Variants in TENM3 observed in about 807,000 individuals in gnomAD.
The protein encoded by TENM3 is teneurin transmembrane protein 3.
Under a neutral mutation model 255.1 loss-of-function variants are expected in TENM3, and 63 were observed. The observed-to-expected ratio is 0.25, with a 90% CI of 0.20 to 0.30. The LOEUF is 0.30. Among genes scored for constraint, TENM3 ranks in the 10% least tolerant of loss-of-function variants. The pLI is 1.00. For synonymous variants in TENM3, 1,306 were observed against 1,322.3 expected (o/e 0.99, Z 0.27); for missense variants, 2,929 against 3,461.1 (o/e 0.85, Z 3.86).
intron 24 of TENM3, among the ~76,000 whole-genome samples, chr4:182,777,481 T>C (rs983730384): frequency 6.6e-6 from 1 of 151,072 alleles, no homozygotes; most frequent in Non-Finnish European, 1.5e-5. Context: ...AATAGAGATA[T>C]CATTCTCTCT....
chr4:181,769,853 T>C, the TENM3 span, among the ~76,000 whole-genome samples: 1 of 152,240 alleles, frequency 6.6e-6, no homozygotes, highest in East Asian at 1.9e-4. Context: ...GTGGAGATTA[T>C]CTTTATAATT....
chr4:181,849,949 T>TCTCTCTCTCTCACACACACACA, the TENM3 span, among the ~76,000 whole-genome samples: 6,631 of 65,668 alleles, frequency 0.1, 827 homozygotes, highest in Non-Finnish European at 0.16. Flanking sequence ...TCTCTCTCTC[T>TCTCTCTCTCTCACACACACACA]CACACACACA....
the TENM3 span, among the ~76,000 whole-genome samples, chr4:182,057,260 C>T: frequency 6.7e-6 from 1 of 150,208 alleles, no homozygotes; most frequent in Non-Finnish European, 1.5e-5. Context: ...CCGGAGGAAT[C>T]AGACATTTTA....
chr4:182,568,508 A>G (rs1349051599), intron 3 of TENM3, among the ~76,000 whole-genome samples: 1 of 152,214 alleles, frequency 6.6e-6, no homozygotes. Context: ...AACAACCTAA[A>G]ATATCAGGCA....
chr4:181,670,782 A>C, the TENM3 span, among the ~76,000 whole-genome samples: 119,919 of 152,102 alleles, frequency 0.79, 48,069 homozygotes, highest in African/African-American at 0.91. Flanking sequence ...ACCATTTATG[A>C]CTCAGCTGCC....
chr4:181,979,088 T>C, the TENM3 span, among the ~76,000 whole-genome samples: 2 of 110,576 alleles, frequency 1.8e-5, no homozygotes, highest in Non-Finnish European at 3.6e-5. Flanking sequence ...TATGCTACAT[T>C]AAGCCTGACA....
chr4:181,493,377 GAATT>G, the TENM3 span, among the ~76,000 whole-genome samples: 75 of 151,356 alleles, frequency 5.0e-4, no homozygotes, highest in African/African-American at 1.6e-3. Flanking sequence ...AAAAATGATA[GAATT>G]AATTTTCTTT....
chr4:182,642,189 T>C (rs988183003), intron 5 of TENM3, among the ~76,000 whole-genome samples: 3 of 152,230 alleles, frequency 2.0e-5, no homozygotes, highest in African/African-American at 7.2e-5. Context: ...CTTTGTTCTT[T>C]CCATTACATT....
intron 3 of TENM3, among the ~76,000 whole-genome samples, chr4:182,516,986 A>G (rs887906973): frequency 6.6e-6 from 1 of 152,186 alleles, no homozygotes. Context: ...TGGAGTAGGA[A>G]GAATGAGTGT....
the TENM3 span, among the ~76,000 whole-genome samples, chr4:182,111,248 A>G: frequency 1.5e-5 from 2 of 133,874 alleles, no homozygotes; most frequent in Non-Finnish European, 3.0e-5. Context: ...TCAGTCTGAC[A>G]GGTAAATCAG....
chr4:182,033,128 TGATGTTTG>T, the TENM3 span, among the ~76,000 whole-genome samples: 2 of 152,262 alleles, frequency 1.3e-5, no homozygotes, highest in Admixed American at 1.3e-4. Flanking sequence ...CTTTTAGTTT[TGATGTTTG>T]GATGTTGACT....
At chr4:181,548,636 A>G in the TENM3 span, among the ~76,000 whole-genome samples, 3 of 152,206 alleles carry the variant, frequency 2.0e-5, no homozygotes, top group Non-Finnish European at 4.4e-5. Context: ...CTCCCAAGCA[A>G]AAGATTAAAC....
the TENM3 span, among the ~76,000 whole-genome samples, chr4:181,506,288 C>A: frequency 2.6e-5 from 4 of 151,952 alleles, no homozygotes; most frequent in African/African-American, 9.7e-5. Context: ...ACAAATCATT[C>A]TTATTTCTTA....
chr4:182,313,911 A>G (rs1011914586), intron 1 of TENM3, among the ~76,000 whole-genome samples: 7 of 151,936 alleles, frequency 4.6e-5, no homozygotes, highest in Non-Finnish European at 7.4e-5. Context: ...CTTTTCCCCT[A>G]TTTTCCATCC....
At chr4:181,782,462 T>A in the TENM3 span, among the ~76,000 whole-genome samples, 1 of 152,228 alleles carries the variant, frequency 6.6e-6, no homozygotes, top group Non-Finnish European at 1.5e-5. Context: ...GGATCGGTGG[T>A]GATATCCCCT....
chr4:182,345,013 T>C (rs2150655265), intron 2 of TENM3, among the ~76,000 whole-genome samples: 1 of 152,328 alleles, frequency 6.6e-6, no homozygotes, highest in South Asian at 2.1e-4. Context: ...TTTTTTCTCT[T>C]CTTTTACTCT....
chr4:181,807,341 AC>A, the TENM3 span, among the ~76,000 whole-genome samples: 4 of 152,338 alleles, frequency 2.6e-5, no homozygotes, highest in South Asian at 8.3e-4. Flanking sequence ...AAGACATGTT[AC>A]CAATCCTTCG....
At chr4:181,486,896 A>G in the TENM3 span, among the ~76,000 whole-genome samples, 1 of 152,210 alleles carries the variant, frequency 6.6e-6, no homozygotes, top group Admixed American at 6.5e-5. Context: ...TAGGTTAAAA[A>G]TATAATCTTC....
At chr4:181,702,248 G>C in the TENM3 span, among the ~76,000 whole-genome samples, 2 of 152,120 alleles carry the variant, frequency 1.3e-5, no homozygotes, top group African/African-American at 4.8e-5. Flanking sequence ...TCTGTCCTTC[G>C]GTCTCAGTAA....
Sources: allele counts gnomAD v4.1 joint callset (sites outside exome capture counted in the v4.1 genomes callset), GRCh38; gene constraint gnomAD v4.1.1; transcripts MANE v1.5; gene names NCBI Gene and HGNC (gene_info 2026-07-23, HGNC 2026-07-21).